MICU1: variants seen among roughly 807,000 people sequenced by gnomAD.
The protein encoded by MICU1 is calcium uptake protein 1, mitochondrial.
Under a neutral mutation model 56.8 loss-of-function variants are expected in MICU1, and 45 were observed. That is an observed-to-expected ratio of 0.79 (90% CI 0.62 to 1.02). The LOEUF is 1.02. Ranked by LOEUF, MICU1 falls within the 50% of genes least tolerant of loss-of-function variation. The pLI is 0.00. For missense variants in MICU1, 504 were observed against 587.1 expected (o/e 0.86, Z 1.46); for synonymous variants, 186 against 195.1 (o/e 0.95, Z 0.39).
chr10:72,568,397 C>T (rs922186596), intron 1 of MICU1, among the ~76,000 whole-genome samples: 4 of 152,082 alleles, frequency 2.6e-5, no homozygotes, highest in Non-Finnish European at 4.4e-5. Flanking sequence ...AAGTTTTTGG[C>T]GTATGTCTTG....
chr10:72,560,041 A>G (rs1038681548), intron 3 of MICU1, among the ~76,000 whole-genome samples: 2 of 152,232 alleles, frequency 1.3e-5, no homozygotes, highest in African/African-American at 4.8e-5. Context: ...TCTTCCACAA[A>G]ACCAGTCCCT....
chr10:72,595,447 C>CAAAAAAAAA (rs1255926638), intron 1 of MICU1, among the ~76,000 whole-genome samples: 11 of 40,758 alleles, frequency 2.7e-4, no homozygotes, highest in African/African-American at 5.1e-4. Flanking sequence ...GACTCTGTCT[C>CAAAAAAAAA]AAAAAAAAAA....
chr10:72,493,840 T>C (rs1298052903), intron 6 of MICU1, among the ~76,000 whole-genome samples: 1 of 152,178 alleles, frequency 6.6e-6, no homozygotes, highest in Non-Finnish European at 1.5e-5. Flanking sequence ...GAAAAGGAAT[T>C]GCTGGACCAA....
In MICU1 at chr10:72,539,311, C is replaced by T. The variant is rs566289523; in HGVS notation, c.494-5522G>A. Among the ~76,000 whole-genome samples the T allele has an allele frequency of 5.9e-5, 9 of 152,298 alleles. No individual in the cohort carries two copies. In the South Asian group the frequency reaches 1.4e-3, roughly 25 times the overall value. ...CACATTCTTCTCACCTGTACATGAA[C>T]ACTTCTCCAGGACAGATCATATGTT... On this transcript the variant is annotated intron_variant, in intron 4 of 11. Coordinates refer to ENST00000361114, the MANE Select transcript of MICU1 (RefSeq NM_001195518.2).
chr10:72,398,324 C>T (rs988108364), intron 10 of MICU1, among the ~76,000 whole-genome samples: 4 of 152,212 alleles, frequency 2.6e-5, no homozygotes, highest in Non-Finnish European at 5.9e-5. Flanking sequence ...ACTAAATGCC[C>T]TCAAGAGAAA....
chr10:72,595,177 G>A (rs1298974079), intron 1 of MICU1, among the ~76,000 whole-genome samples: 1 of 151,802 alleles, frequency 6.6e-6, no homozygotes, highest in Non-Finnish European at 1.5e-5. Flanking sequence ...CAGGCTGGGC[G>A]CGGTGGCTCA....
intron 8 of MICU1, among the ~76,000 whole-genome samples, chr10:72,451,241 T>C (rs181459132): frequency 6.6e-6 from 1 of 152,048 alleles, no homozygotes; most frequent in African/African-American, 2.4e-5. Context: ...GCCAGGATGG[T>C]CTCGATCTCC....
At chr10:72,592,097 C>T (rs1338057688) in intron 1 of MICU1, among the ~76,000 whole-genome samples, 1 of 149,860 alleles carries the variant, frequency 6.7e-6, no homozygotes, top group Non-Finnish European at 1.5e-5. Flanking sequence ...GCAACCTCCA[C>T]CTCCCAGGTT....
At chr10:72,503,700 T>C (rs1450644220) in intron 6 of MICU1, among the ~76,000 whole-genome samples, 1 of 152,108 alleles carries the variant, frequency 6.6e-6, no homozygotes, top group African/African-American at 2.4e-5. Context: ...TATGATTCTA[T>C]ACCTAGAAAA....
At chr10:72,523,807 G>A (rs1442256209) in intron 5 of MICU1, 20 of 1,521,680 alleles carry the variant, frequency 1.3e-5, no homozygotes, top group Non-Finnish European at 1.7e-5. Flanking sequence ...AGTACCTTTA[G>A]GAGTGTCCTT....
At chr10:72,538,756 A>G (rs1839697280) in intron 4 of MICU1, among the ~76,000 whole-genome samples, 1 of 152,128 alleles carries the variant, frequency 6.6e-6, no homozygotes, top group Non-Finnish European at 1.5e-5. Context: ...ATCAATAATA[A>G]CAGTGACTAT....
At chr10:72,612,082 T>C (rs1385457693) in intron 1 of MICU1, among the ~76,000 whole-genome samples, 3 of 150,838 alleles carry the variant, frequency 2.0e-5, no homozygotes, top group South Asian at 2.1e-4. Context: ...ATTTGGTAAC[T>C]CCTTTCCTAA....
rs933583002 is a variant in MICU1, at chr10:72,606,767, C to T, written c.-2+19243G>A. On this transcript the variant is annotated intron_variant, in intron 1 of 11. Coordinates refer to ENST00000361114, the MANE Select transcript of MICU1 (RefSeq NM_001195518.2). The stretch of plus-strand genomic sequence containing the variant: ...AGGGCTGGTTTCCTGTGCAACCAAC[C>T]ATGTGATTAGAAAGTTGGTACTTTC... Among the ~76,000 whole-genome samples, 14 of 151,938 alleles carry T rather than the reference C, an allele frequency of 9.2e-5. No homozygotes were observed. In the South Asian group the frequency reaches 1.2e-3, roughly 14 times the overall value.
chr10:72,506,894 C>T (rs1272283689), intron 6 of MICU1, among the ~76,000 whole-genome samples: 1 of 152,088 alleles, frequency 6.6e-6, no homozygotes, highest in African/African-American at 2.4e-5. Context: ...ATTTTCATTG[C>T]CAGGGTACTG....
Position 72,566,809 on chromosome 10 carries a change from T to C in MICU1, c.-1-15A>G. On this transcript the variant is annotated splice_polypyrimidine_tract_variant and intron_variant, in intron 1 of 11. Coordinates refer to ENST00000361114, the MANE Select transcript of MICU1 (RefSeq NM_001195518.2). The stretch of plus-strand genomic sequence containing the variant: ...GACGAAACATCCTGTGGACAATAAG[T>C]AGAAATGTCACTCTTAGCTAGTGGT... 1 of 1,598,060 alleles carries C rather than the reference T, an allele frequency of 6.3e-7. No homozygotes were observed. The highest frequency in any genetic ancestry group is 8.5e-7 in the Non-Finnish European group (1 of 1,172,172).
chr10:72,430,375 G>T, intron 8 of MICU1, among the ~76,000 whole-genome samples: 1 of 152,110 alleles, frequency 6.6e-6, no homozygotes, highest in East Asian at 1.9e-4. Flanking sequence ...ACAAAATTCT[G>T]AAATATAAAT....
intron 6 of MICU1, among the ~76,000 whole-genome samples, chr10:72,478,144 C>T (rs1232079053): frequency 6.6e-6 from 1 of 151,356 alleles, no homozygotes; most frequent in Admixed American, 6.6e-5. Context: ...GCTGGGATTA[C>T]AGGTGTGAGC....
At chr10:72,500,319 T>A (rs1432996146) in intron 6 of MICU1, among the ~76,000 whole-genome samples, 7 of 96,030 alleles carry the variant, frequency 7.3e-5, no homozygotes, top group African/African-American at 2.7e-4. Context: ...TTTTTTTTTT[T>A]TTTTTTTTTT....
intron 9 of MICU1, among the ~76,000 whole-genome samples, chr10:72,418,438 C>G (rs1864054940): frequency 1.3e-5 from 2 of 152,122 alleles, no homozygotes. Flanking sequence ...ACAGCACTTT[C>G]TTAAGGAAAA....
Sources: gnomAD v4.1 joint callset for allele counts (sites outside exome capture counted in the v4.1 genomes callset) on GRCh38, gnomAD v4.1.1 for gene constraint, MANE v1.5 for transcripts, NCBI Gene and HGNC (gene_info 2026-07-23, HGNC 2026-07-21) for gene names.